The following UBE2W variants were observed in gnomAD, a reference collection of about 807,000 sequenced individuals.
UBE2W encodes the protein ubiquitin-conjugating enzyme E2 W.
A neutral mutation model predicts 27.2 loss-of-function variants in UBE2W; 18 were observed. That is an observed-to-expected ratio of 0.66 (90% CI 0.46 to 0.98). The LOEUF is 0.98. Among genes scored for constraint, UBE2W ranks in the 50% least tolerant of loss-of-function variants. UBE2W has a pLI of 0.00. For missense variants in UBE2W, 90 were observed against 180.2 expected (o/e 0.50, Z 2.87); for synonymous variants, 53 against 57.2 (o/e 0.93, Z 0.33).
chr8:73,873,140 C>G (rs2130997721), intron 1 of UBE2W, among the ~76,000 whole-genome samples: 1 of 152,234 alleles, frequency 6.6e-6, no homozygotes, highest in African/African-American at 2.4e-5. Flanking sequence ...ATCTCCTGAC[C>G]TCAGGTGATC....
intron 5 of UBE2W, 96 bp downstream of exon 5, chr8:73,805,555 A>C (rs1808866499): frequency 5.0e-6 from 3 of 603,606 alleles, no homozygotes; most frequent in Non-Finnish European, 7.7e-6. Flanking sequence ...TATAACACCA[A>C]TTATAGCTTC....
intron 3 of UBE2W, among the ~76,000 whole-genome samples, chr8:73,812,377 G>C (rs918666682): frequency 6.6e-6 from 1 of 151,618 alleles, no homozygotes; most frequent in Admixed American, 6.6e-5. Context: ...TACATCTATC[G>C]GTGCTAGTAC....
intron 1 of UBE2W, among the ~76,000 whole-genome samples, chr8:73,854,715 G>C (rs1204206450): frequency 6.6e-6 from 1 of 152,102 alleles, no homozygotes; most frequent in African/African-American, 2.4e-5. Context: ...GTTAACCCTT[G>C]AATAATTTGA....
At chr8:73,835,858 C>A (rs980301806) in intron 1 of UBE2W, among the ~76,000 whole-genome samples, 13 of 152,102 alleles carry the variant, frequency 8.5e-5, no homozygotes. Flanking sequence ...AATTCAGAGG[C>A]CTTCATAGTG....
chr8:73,844,133 A>G lies in UBE2W; in HGVS notation c.16-13661T>C, dbSNP rs1810661159. 2.0e-5 allele frequency among the ~76,000 whole-genome samples: 3 copies of G among 151,396 alleles called. No homozygotes were observed. In the Admixed American group the frequency reaches 2.0e-4, roughly 10 times the overall value. On this transcript the variant is annotated intron_variant, in intron 1 of 5. Coordinates refer to ENST00000602593, the MANE Select transcript of UBE2W (RefSeq NM_018299.6). ...CTTAAACATCACTGTGAAAGCATAA[A>G]ACACCAATTAAAAAGAGCTAATTCC...
At chr8:73,817,861 T>C (rs1261582103) in intron 3 of UBE2W, among the ~76,000 whole-genome samples, 2 of 152,178 alleles carry the variant, frequency 1.3e-5, no homozygotes, top group Non-Finnish European at 2.9e-5. Flanking sequence ...CTAATACCTA[T>C]GATAGAAACG....
At chr8:73,813,083 CAAAAAAAAA>C (rs56094830) in intron 3 of UBE2W, among the ~76,000 whole-genome samples, 36 of 43,432 alleles carry the variant, frequency 8.3e-4, no homozygotes, top group Admixed American at 4.2e-3. Flanking sequence ...GAAAGTGCCA[CAAAAAAAAA>C]AAAAAAAAAA....
In UBE2W at chr8:73,788,917, A is replaced by C. The variant is rs1275666832; in HGVS notation, c.*5185T>G. On this transcript the variant is annotated 3_prime_UTR_variant, in exon 6 of 6. Transcript: ENST00000602593. Reference sequence around the variant, plus strand: ...AAGATAGATCAGCTTCTATTCAGGCATTCCTTCCACATACTCAAAATACCC... The same window carrying C: ...AAGATAGATCAGCTTCTATTCAGGCCTTCCTTCCACATACTCAAAATACCC... 2.0e-6 allele frequency: 2 copies of C among 984,956 alleles called. No individual in the cohort carries two copies. The highest frequency in any genetic ancestry group is 4.7e-5 in the South Asian group (1 of 21,286). 61.0% of individuals were successfully genotyped at this position (984,956 alleles called of 1,614,324 possible).
chr8:73,875,854 A>G (rs1812196150), intron 1 of UBE2W, among the ~76,000 whole-genome samples: 1 of 152,132 alleles, frequency 6.6e-6, no homozygotes, highest in Non-Finnish European at 1.5e-5. Context: ...GTTCAAGACC[A>G]GCCTGGCCAA....
Position 73,790,905 on chromosome 8 carries a change from A to T in UBE2W, c.*3197T>A. The T allele has an allele frequency of 1.0e-6, 1 of 984,138 alleles. No homozygotes were observed. Among genetic ancestry groups the T allele is most frequent in the Non-Finnish European group, 1.2e-6 (1 of 828,778 alleles). 61.0% of individuals were successfully genotyped at this position (984,138 alleles called of 1,614,324 possible). On this transcript the variant is annotated 3_prime_UTR_variant, in exon 6 of 6. Coordinates refer to ENST00000602593, the MANE Select transcript of UBE2W (RefSeq NM_018299.6). Reference sequence around the variant, plus strand: ...ATCTGAAGAAATTATTATCCACCACAGGAATCTAATGATATATATATTTGC... The same window carrying T: ...ATCTGAAGAAATTATTATCCACCACTGGAATCTAATGATATATATATTTGC...
At chr8:73,852,873 TATGTC>T (rs1811134276) in intron 1 of UBE2W, among the ~76,000 whole-genome samples, 1 of 152,206 alleles carries the variant, frequency 6.6e-6, no homozygotes, top group South Asian at 2.1e-4. Context: ...TATACTAGGG[TATGTC>T]ATGTCATGTA....
intron 1 of UBE2W, among the ~76,000 whole-genome samples, chr8:73,864,749 T>TG (rs1811674476): frequency 5.5e-4 from 2 of 3,612 alleles, no homozygotes; most frequent in African/African-American, 2.9e-3. Flanking sequence ...GCAAATTTTT[T>TG]TGGGGGGGGG....
At chr8:73,878,448 G>C (rs912642143) in intron 1 of UBE2W, among the ~76,000 whole-genome samples, 1 of 152,204 alleles carries the variant, frequency 6.6e-6, no homozygotes. Flanking sequence ...CAGGGACAGC[G>C]GGGGTAAAGG....
At chr8:73,833,184 CAAAAA>C (rs1202478660) in intron 1 of UBE2W, among the ~76,000 whole-genome samples, 2 of 31,390 alleles carry the variant, frequency 6.4e-5, no homozygotes, top group African/African-American at 1.2e-4. Flanking sequence ...GACTCCACCT[CAAAAA>C]AAAAAAAAAA....
At chr8:73,796,477 T>C (rs1053212750) in intron 5 of UBE2W, 1 of 183,206 alleles carries the variant, frequency 5.5e-6, no homozygotes, top group African/African-American at 2.4e-5. Flanking sequence ...ATTTACTAAC[T>C]TGTTCATTGC....
At chr8:73,781,883 C>T (rs1807851730), downstream of UBE2W, among the ~76,000 whole-genome samples, 1 of 151,172 alleles carries the variant, frequency 6.6e-6, no homozygotes, top group Non-Finnish European at 1.5e-5. Flanking sequence ...CTTTCTCATA[C>T]CTTATTTCAG....
At position 73,793,795 on chromosome 8, in the gene UBE2W, C is replaced by T; in HGVS notation, c.*307G>A. 6 of 1,090,544 alleles carry T rather than the reference C, an allele frequency of 5.5e-6. No homozygotes were observed. The highest frequency in any genetic ancestry group is 6.7e-6 in the Non-Finnish European group (6 of 897,116). 67.6% of individuals were successfully genotyped at this position (1,090,544 alleles called of 1,614,324 possible). A position where few individuals can be genotyped will look rare whatever the true frequency, so the allele number is the denominator to read the frequency against. On this transcript the variant is annotated 3_prime_UTR_variant, in exon 6 of 6. Coordinates refer to ENST00000602593, the MANE Select transcript of UBE2W (RefSeq NM_018299.6). ...CGCCAAGGAAGTCATTGTTATTGCA[C>T]AATACATGAGGACCTGGAGCTTTTC...
chr8:73,794,951 TTAA>T (rs1057167007), intron 5 of UBE2W, among the ~76,000 whole-genome samples: 2 of 152,020 alleles, frequency 1.3e-5, no homozygotes, highest in Non-Finnish European at 2.9e-5. Flanking sequence ...ATGAAATTAT[TTAA>T]TAATAACTTC....
At chr8:73,871,054 T>C (rs545123913) in intron 1 of UBE2W, among the ~76,000 whole-genome samples, 19 of 152,218 alleles carry the variant, frequency 1.2e-4, no homozygotes, top group African/African-American at 4.6e-4. Context: ...TGACATGACT[T>C]TTGTTTAGAA....
Sources: allele counts gnomAD v4.1 joint callset (sites outside exome capture counted in the v4.1 genomes callset), GRCh38; gene constraint gnomAD v4.1.1; transcripts MANE v1.5; gene names NCBI Gene and HGNC (gene_info 2026-07-23, HGNC 2026-07-21).